Variants in CDC73 observed in about 807,000 individuals in gnomAD.
The protein encoded by CDC73 is parafibromin.
CDC73 carries 21 observed loss-of-function variants against 83.7 expected under a neutral mutation model. The ratio of observed to expected loss-of-function variants is 0.25; its 90% CI spans 0.18 to 0.36. The LOEUF is 0.36. Ranked by LOEUF, CDC73 falls within the 10% of genes least tolerant of loss-of-function variation. The pLI, the probability that CDC73 is intolerant of heterozygous loss-of-function variation, is 1.00. For synonymous variants in CDC73, 224 were observed against 212.9 expected (o/e 1.05, Z -0.45); for missense variants, 342 against 653.3 (o/e 0.52, Z 5.19).
chr1:193,156,975 AC>A (rs1257298789), intron 10 of CDC73, among the ~76,000 whole-genome samples: 3 of 152,162 alleles, frequency 2.0e-5, no homozygotes, highest in Non-Finnish European at 4.4e-5. Flanking sequence ...TAAAATTGTG[AC>A]TATGACAAGT....
chr1:193,219,480 A>G (rs1677428136), intron 13 of CDC73, among the ~76,000 whole-genome samples: 1 of 152,232 alleles, frequency 6.6e-6, no homozygotes, highest in Non-Finnish European at 1.5e-5. Context: ...TATTAAAGAC[A>G]TGGAATCAAC....
chr1:193,184,635 A>G (rs1676774603), intron 10 of CDC73, among the ~76,000 whole-genome samples: 1 of 151,892 alleles, frequency 6.6e-6, no homozygotes, highest in Non-Finnish European at 1.5e-5. Context: ...TAATAGAAAA[A>G]CTTACACTTT....
At chr1:193,177,115 A>G (rs1185096921) in intron 10 of CDC73, among the ~76,000 whole-genome samples, 1 of 152,080 alleles carries the variant, frequency 6.6e-6, no homozygotes, top group Non-Finnish European at 1.5e-5. Context: ...CTGGCAAAGG[A>G]TGAAGAACAG....
chr1:193,236,218 T>A, intron 14 of CDC73, 38 bp from the exon 15 acceptor site: 2 of 1,202,592 alleles, frequency 1.7e-6, no homozygotes, highest in Non-Finnish European at 2.5e-6. Flanking sequence ...AATCTCCGTC[T>A]GTCCCCTACC....
intron 13 of CDC73, among the ~76,000 whole-genome samples, chr1:193,227,863 T>C (rs919974440): frequency 2.0e-4 from 30 of 152,198 alleles, no homozygotes; most frequent in African/African-American, 7.0e-4. Flanking sequence ...AATAAAGTAC[T>C]GTTGTTTGTT....
At chr1:193,125,394 A>G (rs1675548548) in intron 2 of CDC73, among the ~76,000 whole-genome samples, 177 bp downstream of exon 2, 2 of 151,892 alleles carry the variant, frequency 1.3e-5, no homozygotes, top group South Asian at 4.2e-4. Flanking sequence ...AGTAGCCAGG[A>G]CTGCAGGCCT....
chr1:193,207,350 A>G (rs1048810903), intron 11 of CDC73, among the ~76,000 whole-genome samples: 4 of 152,214 alleles, frequency 2.6e-5, no homozygotes, highest in Non-Finnish European at 5.9e-5. Context: ...TGTCATGACA[A>G]ACATCTTAAC....
chr1:193,123,914 T>A (rs1378135493), intron 1 of CDC73, among the ~76,000 whole-genome samples: 1 of 152,240 alleles, frequency 6.6e-6, no homozygotes, highest in Non-Finnish European at 1.5e-5. Flanking sequence ...GAAGGTTCCA[T>A]AGAATTGTCT....
intron 13 of CDC73, among the ~76,000 whole-genome samples, chr1:193,229,504 G>A (rs878903081): frequency 6.6e-6 from 1 of 152,226 alleles, no homozygotes; most frequent in Admixed American, 6.5e-5. Context: ...CAATAATACG[G>A]TTTACAAACC....
At chr1:193,198,036 A>G (rs1677031774) in intron 10 of CDC73, among the ~76,000 whole-genome samples, 1 of 152,084 alleles carries the variant, frequency 6.6e-6, no homozygotes, top group Non-Finnish European at 1.5e-5. Context: ...TAGATAAAGC[A>G]GTTTTTACTC....
At chr1:193,185,224 C>T (rs769316023) in intron 10 of CDC73, among the ~76,000 whole-genome samples, 10 of 151,934 alleles carry the variant, frequency 6.6e-5, no homozygotes, top group Non-Finnish European at 7.4e-5. Context: ...TCAGAGACAA[C>T]GTTAAATTTG....
At chr1:193,140,524 C>T (rs754823835) in intron 6 of CDC73, among the ~76,000 whole-genome samples, 2 of 152,066 alleles carry the variant, frequency 1.3e-5, no homozygotes, top group Non-Finnish European at 2.9e-5. Context: ...GTGGCATATG[C>T]GAATTGCTGG....
chr1:193,243,965 A>G (rs763980111), intron 15 of CDC73, among the ~76,000 whole-genome samples: 2 of 152,230 alleles, frequency 1.3e-5, no homozygotes, highest in Non-Finnish European at 2.9e-5. Context: ...TAAAATAGCT[A>G]TCAGAAAAAA....
chr1:193,208,771 C>T (rs1239978422), intron 11 of CDC73, among the ~76,000 whole-genome samples: 1 of 152,164 alleles, frequency 6.6e-6, no homozygotes, highest in Non-Finnish European at 1.5e-5. Flanking sequence ...CCTTTCTTCT[C>T]TGTGGTCTAC....
chr1:193,243,503 T>TA (rs1677898710), intron 15 of CDC73, among the ~76,000 whole-genome samples: 1 of 152,204 alleles, frequency 6.6e-6, no homozygotes, highest in African/African-American at 2.4e-5. Flanking sequence ...TTGAAATTAT[T>TA]AAAGAAGACT....
chr1:193,202,999 G>A (rs1035996704), intron 10 of CDC73, among the ~76,000 whole-genome samples: 1 of 151,880 alleles, frequency 6.6e-6, no homozygotes, highest in South Asian at 2.1e-4. Context: ...TGTACCACTA[G>A]TGTAAAGTCT....
At chr1:193,192,710 A>G (rs1442984508) in intron 10 of CDC73, among the ~76,000 whole-genome samples, 2 of 152,208 alleles carry the variant, frequency 1.3e-5, no homozygotes, top group South Asian at 2.1e-4. Flanking sequence ...GCAGGGGGCC[A>G]CTCACAGAAG....
At chr1:193,199,507 T>A (rs1677054770) in intron 10 of CDC73, among the ~76,000 whole-genome samples, 1 of 151,980 alleles carries the variant, frequency 6.6e-6, no homozygotes, top group Admixed American at 6.6e-5. Flanking sequence ...AGGTCAGGAA[T>A]TTGAGACCAG....
chr1:193,122,080 G>C lies in CDC73; in HGVS notation c.-121G>C. On this transcript the variant is annotated 5_prime_UTR_variant, in exon 1 of 17. Transcript: ENST00000367435. ...GGCGAGGACGGCTGTTAGTGCTGCT[G>C]CTGTTGGTTCGTCGCGGCGGCGAAG... 1 of 916,006 alleles carries C rather than the reference G, an allele frequency of 1.1e-6. No homozygotes were observed. Among genetic ancestry groups the C allele is most frequent in the Non-Finnish European group, 1.7e-6 (1 of 572,624 alleles). The allele number at this position is 916,006 out of a possible 1,614,324, so 56.7% of individuals were successfully genotyped here.
Sources: allele counts gnomAD v4.1 joint callset (sites outside exome capture counted in the v4.1 genomes callset), GRCh38; gene constraint gnomAD v4.1.1; transcripts MANE v1.5; gene names NCBI Gene and HGNC (gene_info 2026-07-23, HGNC 2026-07-21).